GCLC: variants seen among roughly 807,000 people sequenced by gnomAD.
The protein encoded by GCLC is glutamate-cysteine ligase catalytic subunit, also known as glutamate--cysteine ligase catalytic subunit.
A neutral mutation model predicts 81.5 loss-of-function variants in GCLC; 30 were observed. The ratio of observed to expected loss-of-function variants is 0.37; its 90% CI spans 0.28 to 0.50. GCLC has a LOEUF of 0.50. Ranked by LOEUF, GCLC falls within the 20% of genes least tolerant of loss-of-function variation. The probability of loss-of-function intolerance (pLI) is 0.96; values close to 1 mark genes in which losing one functional copy is unlikely to be tolerated. For missense variants in GCLC, 556 were observed against 777.4 expected (o/e 0.72, Z 3.39); for synonymous variants, 262 against 273.3 (o/e 0.96, Z 0.41).
At chr6:53,533,287 G>A (rs1763202643) in intron 1 of GCLC, among the ~76,000 whole-genome samples, 1 of 152,134 alleles carries the variant, frequency 6.6e-6, no homozygotes, top group Non-Finnish European at 1.5e-5. Context: ...ATGCATGGGG[G>A]CTTTGTGGCA....
intron 9 of GCLC, among the ~76,000 whole-genome samples, chr6:53,507,267 C>T (rs1352629262): frequency 1.3e-5 from 2 of 152,206 alleles, no homozygotes; most frequent in Non-Finnish European, 2.9e-5. Flanking sequence ...GACCTAGACA[C>T]AGACCTCCAA....
At chr6:53,513,403 T>C (rs1764793681) in intron 6 of GCLC, 1 of 152,260 alleles carries the variant, frequency 6.6e-6, no homozygotes. Context: ...CTCTCTCTTT[T>C]ACTTCTGTTA....
At chr6:53,499,431 T>C (rs1054888423) in intron 15 of GCLC, among the ~76,000 whole-genome samples, 2 of 152,164 alleles carry the variant, frequency 1.3e-5, no homozygotes, top group Non-Finnish European at 2.9e-5. Context: ...AAATTGGCAG[T>C]ATACCATTTG....
chr6:53,518,493 C>T (rs1024154191), intron 3 of GCLC, among the ~76,000 whole-genome samples: 1 of 152,148 alleles, frequency 6.6e-6, no homozygotes, highest in South Asian at 2.1e-4. Context: ...TCAGGTGATC[C>T]GCCTGCCTCG....
Position 53,498,091 on chromosome 6 carries a change from A to AT in GCLC, c.*664dup, listed in dbSNP as rs1463322172. ...TTCTATAGAGTTGTGTTTAAACTTA[A>AT]TTCCTGCATCAGCAAATTTAAACAA... On this transcript the variant is annotated 3_prime_UTR_variant, in exon 16 of 16. Coordinates refer to ENST00000650454, the MANE Select transcript of GCLC (RefSeq NM_001498.4). 6.6e-6 allele frequency: 1 copy of AT among 152,630 alleles called. No homozygotes were observed. Among genetic ancestry groups the AT allele is most frequent in the Non-Finnish European group, 1.5e-5 (1 of 68,088 alleles). The allele number at this position is 152,630 out of a possible 1,614,324, so 9.5% of individuals were successfully genotyped here.
intron 6 of GCLC, chr6:53,513,355 C>T (rs538995328): frequency 6.6e-6 from 1 of 152,336 alleles, no homozygotes; most frequent in East Asian, 1.9e-4. Flanking sequence ...GTAATCACAA[C>T]TGGATAAAAT....
chr6:53,529,454 C>CT (rs1187038322), intron 1 of GCLC, among the ~76,000 whole-genome samples: 1 of 152,190 alleles, frequency 6.6e-6, no homozygotes, highest in Admixed American at 6.5e-5. Context: ...AACCAGTCAT[C>CT]TCACACAAAT....
chr6:53,524,526 T>C (rs980343384), intron 1 of GCLC, among the ~76,000 whole-genome samples: 1 of 152,192 alleles, frequency 6.6e-6, no homozygotes, highest in African/African-American at 2.4e-5. Context: ...ACAGATGAAC[T>C]GGCCCATCCC....
chr6:53,500,940 G>A (rs866670014), intron 12 of GCLC: 5 of 307,290 alleles, frequency 1.6e-5, no homozygotes, highest in South Asian at 6.0e-5. Context: ...TTTTGAGATG[G>A]AGTCTCGCTC....
intron 3 of GCLC, among the ~76,000 whole-genome samples, chr6:53,519,221 A>G (rs528644488): frequency 3.9e-4 from 60 of 152,332 alleles, no homozygotes; most frequent in Admixed American, 3.9e-3. Context: ...ATTACCTGCC[A>G]GCTTCCCTTT....
chr6:53,500,310 G>A lies in GCLC; in HGVS notation c.1518C>T (p.Asn506=). The A allele has an allele frequency of 3.1e-6, 5 of 1,614,188 alleles. No homozygotes were observed. The highest frequency in any genetic ancestry group is 4.2e-6 in the Non-Finnish European group (5 of 1,180,044). ...AVVDGCGKAQ[N]STELAAEEYT... is the part of the protein sequence containing the mutation. ...ACTCCTCTGCAGCGAGCTCCGTGCT[G>A]TTCTGGGCCTTGCCACAACCATCCA... Residue 506 remains asparagine (N), a synonymous_variant, in exon 14 of 16, where the codon AAC becomes AAT. Coordinates refer to ENST00000650454, the MANE Select transcript of GCLC (RefSeq NM_001498.4).
At chr6:53,517,087 T>C (rs1225746343) in intron 3 of GCLC, among the ~76,000 whole-genome samples, 1 of 145,832 alleles carries the variant, frequency 6.9e-6, no homozygotes, top group Admixed American at 6.8e-5. Flanking sequence ...AAATTTTTTT[T>C]TTTTTTTTTT....
chr6:53,506,210 A>T lies in GCLC; in HGVS notation c.1198-315T>A, dbSNP rs1764611157. On this transcript the variant is annotated intron_variant, in intron 10 of 15. Coordinates refer to ENST00000650454, the MANE Select transcript of GCLC (RefSeq NM_001498.4). The surrounding 1 kb of genome is among the most constrained non-coding windows in gnomAD (Gnocchi z 4.0). ...CCCCACCTTCATCCCTGAGAATTTT[A>T]GGAGCCAGCCTGCCTTTCCAGGTGA... The T allele has an allele frequency of 1.4e-5, 5 of 359,078 alleles. No individual in the cohort carries two copies. The highest frequency in any genetic ancestry group is 2.7e-5 in the Non-Finnish European group (5 of 187,274). The allele number at this position is 359,078 out of a possible 1,614,324, so 22.2% of individuals were successfully genotyped here. A position where few individuals can be genotyped will look rare whatever the true frequency, so the allele number is the denominator to read the frequency against.
chr6:53,507,118 G>A, intron 9 of GCLC, 93 bp from the exon 10 acceptor site: 1 of 773,516 alleles, frequency 1.3e-6, no homozygotes, highest in Non-Finnish European at 2.3e-6. Flanking sequence ...CAGGAAGTTT[G>A]AAGAAAGGGT....
At chr6:53,504,011 A>C (rs1764564183) in intron 12 of GCLC, among the ~76,000 whole-genome samples, 2 of 152,164 alleles carry the variant, frequency 1.3e-5, no homozygotes, top group South Asian at 4.1e-4. Flanking sequence ...AATTTGTCTG[A>C]GGCCACTAAT....
chr6:53,533,797 CTTTTTT>C (rs558357229), intron 1 of GCLC, among the ~76,000 whole-genome samples: 1 of 141,850 alleles, frequency 7.0e-6, no homozygotes. Flanking sequence ...TTTTTCTTTT[CTTTTTT>C]TTTTTTTTGA....
At chr6:53,534,707 A>G (rs1298625410) in intron 1 of GCLC, among the ~76,000 whole-genome samples, 1 of 152,116 alleles carries the variant, frequency 6.6e-6, no homozygotes, top group Non-Finnish European at 1.5e-5. Context: ...GTCCGGGGAA[A>G]CCATTTACAA....
intron 1 of GCLC, among the ~76,000 whole-genome samples, chr6:53,538,241 T>C (rs1277020866): frequency 7.0e-6 from 1 of 142,132 alleles, no homozygotes; most frequent in Admixed American, 7.2e-5. Flanking sequence ...AGCCATGAAC[T>C]CCTGGGCTCC....
At chr6:53,518,092 T>C (rs1365254526) in intron 3 of GCLC, among the ~76,000 whole-genome samples, 1 of 152,140 alleles carries the variant, frequency 6.6e-6, no homozygotes, top group Non-Finnish European at 1.5e-5. Flanking sequence ...AAATAACTAA[T>C]AATTATTGTT....
Sources: allele counts gnomAD v4.1 joint callset (sites outside exome capture counted in the v4.1 genomes callset), GRCh38; gene constraint gnomAD v4.1.1; non-coding constraint Gnocchi (gnomAD v3.1); transcripts MANE v1.5; gene names NCBI Gene and HGNC (gene_info 2026-07-23, HGNC 2026-07-21).